The following CLN8 variants were observed in gnomAD, a reference collection of about 807,000 sequenced individuals.
The protein encoded by CLN8 is CLN8 transmembrane ER and ERGIC protein.
CLN8 carries 14 observed loss-of-function variants against 15.7 expected under a neutral mutation model. The observed-to-expected ratio is 0.89, with a 90% CI of 0.59 to 1.39. The LOEUF (loss-of-function observed/expected upper bound fraction) is 1.39. Ranked by LOEUF, CLN8 falls within the 40% of genes most tolerant of loss-of-function variation. The pLI is 0.00. For synonymous variants in CLN8, 188 were observed against 151.0 expected, an observed-to-expected ratio of 1.25 and a Z score of -1.80; for missense variants, 415 against 364.0, an observed-to-expected ratio of 1.14 and a Z score of -1.14.
At chr8:1,765,436 T>C (rs1801013047) in intron 1 of CLN8, among the ~76,000 whole-genome samples, 2 of 152,270 alleles carry the variant, frequency 1.3e-5, no homozygotes, top group Non-Finnish European at 2.9e-5. Flanking sequence ...TTTTTATTTT[T>C]GTATTTTTAT....
upstream of CLN8, among the ~76,000 whole-genome samples, chr8:1,753,795 A>T (rs1400787526): frequency 2.0e-5 from 3 of 151,324 alleles, no homozygotes; most frequent in Non-Finnish European, 4.4e-5. Flanking sequence ...CTGAGGCAGG[A>T]GAATTGCTTG....
upstream of CLN8, chr8:1,763,686 G>T (rs1254724943): frequency 7.6e-6 from 1 of 131,726 alleles, no homozygotes; most frequent in Non-Finnish European, 1.6e-5. Context: ...CGCCGCCGTC[G>T]TAGCGCCTAG....
chr8:1,769,220 G>A (rs1260427214), intron 1 of CLN8, among the ~76,000 whole-genome samples: 1 of 152,200 alleles, frequency 6.6e-6, no homozygotes, highest in East Asian at 1.9e-4. Context: ...AGTGATCAGT[G>A]CTCCCTTGTC....
At chr8:1,761,005 T>C (rs1800782690), upstream of CLN8, among the ~76,000 whole-genome samples, 1 of 147,568 alleles carries the variant, frequency 6.8e-6, no homozygotes, top group African/African-American at 2.5e-5. Context: ...AGCATGACTA[T>C]AGCCATCTTT....
In CLN8 at chr8:1,771,029, A is replaced by T. The variant is rs958944574; in HGVS notation, c.-26A>T. On this transcript the variant is annotated 5_prime_UTR_variant, in exon 2 of 3. Transcript: ENST00000331222. ...GGGCCCGGCCCGTGTTGGCCCCAGG[A>T]CTCCTTTGGAATATAGCTGTGGACA... is the stretch of plus-strand genomic sequence containing the variant. The T allele has an allele frequency of 1.9e-6, 3 of 1,612,650 alleles. No individual in the cohort carries two copies. The highest frequency in any genetic ancestry group is 1.7e-5 in the Admixed American group (1 of 59,938).
intron 1 of CLN8, chr8:1,764,454 G>A (rs1800961843): frequency 6.6e-6 from 1 of 152,390 alleles, no homozygotes; most frequent in Non-Finnish European, 1.5e-5. Flanking sequence ...ACGAGGCGGG[G>A]AGGCGGCTCC....
intron 2 of CLN8, among the ~76,000 whole-genome samples, chr8:1,779,662 G>A (rs1247885557): frequency 6.6e-6 from 1 of 152,238 alleles, no homozygotes; most frequent in African/African-American, 2.4e-5. Flanking sequence ...AGTTTTGGAG[G>A]CTGCAAGTCT....
At chr8:1,780,218 T>A in intron 2 of CLN8, 32 bp from the exon 3 acceptor site, 2 of 1,614,276 alleles carry the variant, frequency 1.2e-6, no homozygotes, top group Non-Finnish European at 1.7e-6. Context: ...CAGTTTCGCA[T>A]TGACTTGTGC....
Position 1,783,887 on chromosome 8 carries a change from G to A in CLN8, c.*3320G>A, listed in dbSNP as rs1352557114. ...CGTGCCTGCCTTGGGCGCAGCCTCC[G>A]GCGCCAGAGCTGGGCTCTTCAACAC... On this transcript the variant is annotated 3_prime_UTR_variant, in exon 3 of 3. Coordinates refer to ENST00000331222, the MANE Select transcript of CLN8 (RefSeq NM_018941.4). 1 of 152,272 alleles carries A rather than the reference G, an allele frequency of 6.6e-6. No individual in the cohort carries two copies. The highest frequency in any genetic ancestry group is 1.5e-5 in the Non-Finnish European group (1 of 68,072). The allele number at this position is 152,272 out of a possible 1,614,324, so 9.4% of individuals were successfully genotyped here. A position where few individuals can be genotyped will look rare whatever the true frequency, so the allele number is the denominator to read the frequency against.
At chr8:1,760,464 C>T (rs1157198754), upstream of CLN8, 4 of 152,172 alleles carry the variant, frequency 2.6e-5, no homozygotes, top group Admixed American at 2.0e-4. Flanking sequence ...CGCATGGATA[C>T]TGGTTATACC....
At chr8:1,767,633 G>A (rs1167507072) in intron 1 of CLN8, among the ~76,000 whole-genome samples, 8 of 145,292 alleles carry the variant, frequency 5.5e-5, no homozygotes, top group East Asian at 2.0e-4. Context: ...GTGCAGTGGC[G>A]CAATCTCAGC....
chr8:1,777,244 T>G (rs1009843373), intron 2 of CLN8, among the ~76,000 whole-genome samples: 3 of 152,130 alleles, frequency 2.0e-5, no homozygotes, highest in Admixed American at 2.0e-4. Context: ...TAGAAAGGTA[T>G]AGTAAAAATA....
chr8:1,775,390 G>GT (rs1801471788), intron 2 of CLN8, among the ~76,000 whole-genome samples: 1 of 152,158 alleles, frequency 6.6e-6, no homozygotes, highest in East Asian at 1.9e-4. Context: ...AAGTATAGAT[G>GT]TAACTGCCGG....
chr8:1,780,067 G>T (rs1385821893), intron 2 of CLN8, 183 bp from the exon 3 acceptor site: 1 of 985,370 alleles, frequency 1.0e-6, no homozygotes, highest in Non-Finnish European at 1.2e-6. Flanking sequence ...TGCGCCCACA[G>T]AGCTGGTGGC....
intron 1 of CLN8, among the ~76,000 whole-genome samples, chr8:1,757,577 A>C (rs1265070776): frequency 6.6e-6 from 1 of 152,176 alleles, no homozygotes; most frequent in Non-Finnish European, 1.5e-5. Context: ...AATTGCTGGA[A>C]TTACAGGCAT....
Position 1,785,342 on chromosome 8 carries a change from C to G in CLN8, c.*4775C>G. ...GGTTAGACAGGTACCGGTCAGATTA[C>G]GGTGGCACAGGCGGCGTGGGGTTAG... On this transcript the variant is annotated 3_prime_UTR_variant, in exon 3 of 3. Transcript: ENST00000331222. 1 of 157,248 alleles carries G rather than the reference C, an allele frequency of 6.4e-6. No homozygotes were observed. Among genetic ancestry groups the G allele is most frequent in the South Asian group, 1.3e-4 (1 of 7,958 alleles). The allele number at this position is 157,248 out of a possible 1,614,324, so 9.7% of individuals were successfully genotyped here. A position where few individuals can be genotyped will look rare whatever the true frequency, so the allele number is the denominator to read the frequency against.
chr8:1,780,531 A>G lies in CLN8; in HGVS notation c.825A>G (p.Glu275=). The part of the protein sequence containing the change: ...FAQPEAKSRP[E]GNGQLLRKKR... ...AGCCAGAAGCCAAGAGCAGGCCAGAAGGCAACGGGCAGCTGCTGCGGAAGA... is the reference window on the plus strand; with the variant it reads ...AGCCAGAAGCCAAGAGCAGGCCAGAGGGCAACGGGCAGCTGCTGCGGAAGA... Residue 275 remains glutamate (E), a synonymous_variant, in exon 3 of 3, where the codon GAA becomes GAG. Coordinates refer to ENST00000331222, the MANE Select transcript of CLN8 (RefSeq NM_018941.4). 6.2e-7 allele frequency: 1 copy of G among 1,614,214 alleles called. No homozygotes were observed. The highest frequency in any genetic ancestry group is 8.5e-7 in the Non-Finnish European group (1 of 1,180,022).
intron 1 of CLN8, among the ~76,000 whole-genome samples, chr8:1,756,652 C>A (rs1370211029): frequency 6.6e-6 from 1 of 150,850 alleles, no homozygotes; most frequent in Non-Finnish European, 1.5e-5. Flanking sequence ...AGTGATTATA[C>A]CTCTCTCTAG....
chr8:1,760,743 G>C (rs1342007418), upstream of CLN8, among the ~76,000 whole-genome samples: 1 of 152,178 alleles, frequency 6.6e-6, no homozygotes, highest in Non-Finnish European at 1.5e-5. Flanking sequence ...CTAAGAGAGA[G>C]TTCTCGGATC....
Sources: gnomAD v4.1 joint callset for allele counts (sites outside exome capture counted in the v4.1 genomes callset) on GRCh38, gnomAD v4.1.1 for gene constraint, MANE v1.5 for transcripts, NCBI Gene and HGNC (gene_info 2026-07-23, HGNC 2026-07-21) for gene names.